The following RNF182 variants were observed in gnomAD, a reference collection of about 807,000 sequenced individuals.
The protein encoded by RNF182 is E3 ubiquitin-protein ligase RNF182.
In RNF182, 15 loss-of-function variants were observed where a neutral mutation model predicts 14.4. The ratio of observed to expected loss-of-function variants is 1.04; its 90% CI spans 0.70 to 1.60. RNF182 has a LOEUF of 1.60. Among genes scored for constraint, RNF182 ranks in the 40% most tolerant of loss-of-function variants. The probability of loss-of-function intolerance (pLI) is 0.00; values close to 1 mark genes in which losing one functional copy is unlikely to be tolerated. For synonymous variants in RNF182, 128 were observed against 122.9 expected (o/e 1.04, Z -0.27); for missense variants, 268 against 294.8 (o/e 0.91, Z 0.67).
At chr6:13,933,832 A>G in intron 1 of RNF182, among the ~76,000 whole-genome samples, 1 of 152,118 alleles carries the variant, frequency 6.6e-6, no homozygotes, top group East Asian at 1.9e-4. Context: ...AACCTGGCCA[A>G]TGTGGTGAAA....
intron 1 of RNF182, among the ~76,000 whole-genome samples, chr6:13,948,689 T>C (rs1044073678): frequency 2.0e-5 from 3 of 152,194 alleles, no homozygotes; most frequent in African/African-American, 7.2e-5. Context: ...GTTTGTTAAA[T>C]AGCAAAGGTG....
intron 1 of RNF182, among the ~76,000 whole-genome samples, chr6:13,942,507 A>G (rs1759323804): frequency 6.6e-6 from 1 of 151,804 alleles, no homozygotes; most frequent in African/African-American, 2.4e-5. Flanking sequence ...ACACCTGGCT[A>G]ATTTTTGTGT....
Position 13,977,852 on chromosome 6 carries a change from C to T in RNF182, c.733C>T (p.Pro245Ser). 2.5e-6 allele frequency: 4 copies of T among 1,611,434 alleles called. No homozygotes were observed. Among genetic ancestry groups the T allele is most frequent in the Middle Eastern group, 1.7e-4 (1 of 6,042 alleles). ...TCATGAATTTCTAGACTGTATGGCACCTCCTTCTTAACTGATATGCAAAAT... is the reference window on the plus strand; with the variant it reads ...TCATGAATTTCTAGACTGTATGGCATCTCCTTCTTAACTGATATGCAAAAT... ...VCHEFLDCMA[P>S]PS The change falls in exon 3 of 3, where the codon CCT becomes TCT. Residue 245 changes from proline (P) to serine (S), a missense_variant. Coordinates refer to ENST00000488300, the MANE Select transcript of RNF182 (RefSeq NM_152737.4).
intron 1 of RNF182, among the ~76,000 whole-genome samples, chr6:13,964,651 G>A (rs1399810968): frequency 6.6e-6 from 1 of 152,142 alleles, no homozygotes; most frequent in South Asian, 2.1e-4. Context: ...GCAGATGGGG[G>A]ATTCCTTCCT....
chr6:13,925,968 CTT>C (rs574383248), intron 1 of RNF182, among the ~76,000 whole-genome samples: 1 of 147,984 alleles, frequency 6.8e-6, no homozygotes, highest in African/African-American at 2.5e-5. Flanking sequence ...ACTGTGAAGA[CTT>C]TTTTTTTTGG....
intron 2 of RNF182, among the ~76,000 whole-genome samples, chr6:13,975,159 CTG>C (rs1450448335): frequency 1.3e-5 from 2 of 152,130 alleles, no homozygotes; most frequent in African/African-American, 2.4e-5. Flanking sequence ...TGAGCTAGGA[CTG>C]TGTGTGGTGA....
At chr6:13,927,557 T>C (rs191604368) in intron 1 of RNF182, among the ~76,000 whole-genome samples, 4 of 152,330 alleles carry the variant, frequency 2.6e-5, no homozygotes, top group African/African-American at 7.2e-5. Context: ...AAGAATTCTG[T>C]AATTCAGTTT....
upstream of RNF182, chr6:13,924,779 G>A (rs902129004): frequency 1.3e-5 from 2 of 151,900 alleles, no homozygotes; most frequent in African/African-American, 4.8e-5. Flanking sequence ...TGTTTGTGGT[G>A]GTGGCGGCCC....
intron 1 of RNF182, among the ~76,000 whole-genome samples, chr6:13,958,524 G>A (rs1011713863): frequency 6.6e-6 from 1 of 152,188 alleles, no homozygotes; most frequent in Non-Finnish European, 1.5e-5. Flanking sequence ...TGGATAGGAA[G>A]AGGTGGGAGG....
intron 1 of RNF182, among the ~76,000 whole-genome samples, chr6:13,957,192 A>G (rs1585041330): frequency 6.6e-6 from 1 of 152,292 alleles, no homozygotes; most frequent in Non-Finnish European, 1.5e-5. Context: ...TGTAAGTATC[A>G]TTTTGTCTCA....
At chr6:13,958,979 C>G (rs896075516) in intron 1 of RNF182, among the ~76,000 whole-genome samples, 2 of 152,174 alleles carry the variant, frequency 1.3e-5, no homozygotes, top group Non-Finnish European at 2.9e-5. Context: ...GGCACCTCCC[C>G]TGTCTCTTGC....
At chr6:13,969,748 G>GAAT (rs1760128231) in intron 1 of RNF182, among the ~76,000 whole-genome samples, 1 of 152,178 alleles carries the variant, frequency 6.6e-6, no homozygotes, top group African/African-American at 2.4e-5. Flanking sequence ...TAATTTATGA[G>GAAT]AATAATAGTA....
chr6:13,932,634 G>A (rs1759001803), intron 1 of RNF182, among the ~76,000 whole-genome samples: 1 of 151,942 alleles, frequency 6.6e-6, no homozygotes, highest in South Asian at 2.1e-4. Flanking sequence ...AATTAATATT[G>A]TATAGACATA....
chr6:13,930,592 A>G (rs567619774), intron 1 of RNF182, among the ~76,000 whole-genome samples: 20 of 152,322 alleles, frequency 1.3e-4, no homozygotes, highest in African/African-American at 4.6e-4. Flanking sequence ...TCTCCATAGA[A>G]GAATGATTAA....
intron 1 of RNF182, among the ~76,000 whole-genome samples, chr6:13,968,184 T>G (rs973048724): frequency 2.0e-5 from 3 of 152,158 alleles, no homozygotes; most frequent in African/African-American, 7.2e-5. Context: ...TAAAATAGTT[T>G]GATTAGGTAA....
At chr6:13,930,855 A>G (rs1272299645) in intron 1 of RNF182, among the ~76,000 whole-genome samples, 2 of 152,246 alleles carry the variant, frequency 1.3e-5, no homozygotes, top group Admixed American at 6.5e-5. Flanking sequence ...TAGCTTATCC[A>G]AGATTGTACA....
rs1298594289 is a variant in RNF182, at chr6:13,924,983, C to T, written c.-407C>T. On this transcript the variant is annotated 5_prime_UTR_variant, in exon 1 of 3. Transcript: ENST00000488300. ...CTCCCTCCCCTCCCAGGCGCCGCCG[C>T]AGCCGGAGCGGCTCCCGGGCCCTGG... The T allele has an allele frequency of 6.8e-5, 1 of 14,710 alleles. No homozygotes were observed. The highest frequency in any genetic ancestry group is 2.4e-3 in the South Asian group (1 of 410). The allele number at this position is 14,710 out of a possible 1,614,324, so 0.9% of individuals were successfully genotyped here.
intron 1 of RNF182, among the ~76,000 whole-genome samples, chr6:13,964,369 G>A (rs753063957): frequency 7.2e-5 from 11 of 152,180 alleles, no homozygotes; most frequent in East Asian, 3.8e-4. Flanking sequence ...TGTAATAGCC[G>A]CTGAACATGC....
At position 13,969,317 on chromosome 6, in the gene RNF182, T is replaced by G. The variant is rs180852447; in HGVS notation, c.-366-4893T>G. Among the ~76,000 whole-genome samples the G allele has an allele frequency of 1.1e-4, 16 of 152,256 alleles. 1 individual carries two copies. The East Asian group carries it at 3.1e-3, about 29-fold the overall frequency. ...AAATAAAGAGTTGCAGTCAGGAGCT[T>G]TGAGAAGTCCGGTTTGGGTCACATG... On this transcript the variant is annotated intron_variant, in intron 1 of 2. Transcript: ENST00000488300.
Sources: gnomAD v4.1 joint callset for allele counts (sites outside exome capture counted in the v4.1 genomes callset) on GRCh38, gnomAD v4.1.1 for gene constraint, MANE v1.5 for transcripts, NCBI Gene and HGNC (gene_info 2026-07-23, HGNC 2026-07-21) for gene names.